KCNT1: variants seen among roughly 807,000 people sequenced by gnomAD.
The protein encoded by KCNT1 is potassium channel subfamily T member 1.
A neutral mutation model predicts 147.8 loss-of-function variants in KCNT1; 78 were observed. That is an observed-to-expected ratio of 0.53 (90% confidence interval 0.44 to 0.64). KCNT1 has a LOEUF of 0.64. KCNT1 is among the 30% of genes least tolerant of loss of function. The pLI is 0.00. For missense variants in KCNT1, 1,419 were observed against 1,750.3 expected, an observed-to-expected ratio of 0.81 and a Z score of 3.38; for synonymous variants, 867 against 748.8, an observed-to-expected ratio of 1.16 and a Z score of -2.58.
At chr9:135,710,702 C>T (rs1488931005) in intron 1 of KCNT1, among the ~76,000 whole-genome samples, 1 of 152,180 alleles carries the variant, frequency 6.6e-6, no homozygotes, top group African/African-American at 2.4e-5. Flanking sequence ...AAGACGAGGG[C>T]CCTCTCTGTT....
At chr9:135,786,954 C>G (rs1275649623) in intron 29 of KCNT1, among the ~76,000 whole-genome samples, 1 of 152,214 alleles carries the variant, frequency 6.6e-6, no homozygotes, top group Non-Finnish European at 1.5e-5. Context: ...AGGGCATCAG[C>G]TAGAGTTGGG....
At chr9:135,720,948 G>A (rs1428146647) in intron 2 of KCNT1, among the ~76,000 whole-genome samples, 1 of 152,246 alleles carries the variant, frequency 6.6e-6, no homozygotes, top group Non-Finnish European at 1.5e-5. Flanking sequence ...ACAGTCAGGA[G>A]GAAGGGTGTG....
intron 23 of KCNT1, among the ~76,000 whole-genome samples, chr9:135,779,114 G>A (rs1194486384): frequency 4.3e-5 from 4 of 94,004 alleles, no homozygotes; most frequent in South Asian, 4.3e-4. Flanking sequence ...CCACAGCCAC[G>A]ACCACAAGCC....
At chr9:135,791,440 C>A in intron 29 of KCNT1, 1 of 288,448 alleles carries the variant, frequency 3.5e-6, no homozygotes, top group Non-Finnish European at 6.7e-6. Context: ...ACAGACACGT[C>A]CCGGTGTCTG....
At chr9:135,788,334 G>T (rs1834229902) in intron 29 of KCNT1, among the ~76,000 whole-genome samples, 1 of 152,286 alleles carries the variant, frequency 6.6e-6, no homozygotes, top group South Asian at 2.1e-4. Flanking sequence ...TGCCGACAGA[G>T]TGTCCCCTGG....
chr9:135,735,877 C>T (rs566336119), intron 2 of KCNT1, among the ~76,000 whole-genome samples: 3 of 152,324 alleles, frequency 2.0e-5, no homozygotes, highest in East Asian at 1.9e-4. Flanking sequence ...CAATACCCCC[C>T]GGCTGTTACC....
rs775711545 is a variant in KCNT1 at position 135,771,087 on chromosome 9, C to T, written c.2000C>T (p.Ala667Val). The change falls in exon 18 of 31, where the codon GCC (alanine) becomes GTC (valine). Residue 667 changes from alanine (A) to valine (V), a missense_variant. Transcript: ENST00000371757. ...CGCCTGCCCGTGCACAGCATCATCG[C>T]CTCCATGGGTGAGCCGGGACAGGCG... The part of the protein sequence containing the change: ...PARLPVHSII[A>V]SMGTVAMDLQ... 2 of 1,610,410 alleles carry T rather than the reference C, an allele frequency of 1.2e-6. No homozygotes were observed. The highest frequency in any genetic ancestry group is 1.1e-5 in the South Asian group (1 of 90,580).
At position 135,772,866 on chromosome 9, in the gene KCNT1, A is replaced by G; in HGVS notation, c.2160A>G (p.Ser720=). Residue 720 remains serine (S), a synonymous_variant, in exon 19 of 31, where the codon TCA becomes TCG. Coordinates refer to ENST00000371757, the MANE Select transcript of KCNT1 (RefSeq NM_020822.3). ...CCGTCCTGGAACTGGCCGACAGCTC[A>G]GCCCTGCTGCCCTGCGACCTGCTGA... The part of the protein sequence containing the change: ...IAPVLELADS[S]ALLPCDLLSD... 6.4e-7 allele frequency: 1 copy of G among 1,554,096 alleles called. No homozygotes were observed. The highest frequency in any genetic ancestry group is 8.7e-7 in the Non-Finnish European group (1 of 1,149,744).
At position 135,742,934 on chromosome 9, in the gene KCNT1, C is replaced by T. The variant is rs1830640577; in HGVS notation, c.255-7164C>T. The stretch of plus-strand genomic sequence containing the variant: ...ATCCCCTGCAGCTGGGCCAGGGCCA[C>T]CGGCACCTCCCAGTACCCGCTGGTG... On this transcript the variant is annotated intron_variant, in intron 2 of 30. Transcript: ENST00000371757. 4 of 670,404 alleles carry T rather than the reference C, an allele frequency of 6.0e-6. No homozygotes were observed. The Admixed American group carries it at 8.8e-5, about 15-fold the overall frequency. 41.5% of individuals were successfully genotyped at this position (670,404 alleles called of 1,614,324 possible). A position where few individuals can be genotyped will look rare whatever the true frequency, so the allele number is the denominator to read the frequency against.
At chr9:135,747,393 T>C (rs893875002) in intron 2 of KCNT1, among the ~76,000 whole-genome samples, 1 of 151,722 alleles carries the variant, frequency 6.6e-6, no homozygotes, top group Non-Finnish European at 1.5e-5. Context: ...GGCCCGGTGG[T>C]CCCTGGGTAC....
intron 29 of KCNT1, among the ~76,000 whole-genome samples, chr9:135,787,034 A>G (rs1186866204): frequency 6.6e-6 from 1 of 152,104 alleles, no homozygotes; most frequent in African/African-American, 2.4e-5. Flanking sequence ...AGAGAACAAG[A>G]CTGGTGGGGA....
In KCNT1 at chr9:135,768,810, C is replaced by A. The variant is rs1372832498; in HGVS notation, c.1402-19C>A. 1 of 1,603,262 alleles carries A rather than the reference C, an allele frequency of 6.2e-7. No homozygotes were observed. ...CAGAGGCCAGCCCGTCTGCACTGAC[C>A]AACCACCCACCCCGCCAGGACCACC... On this transcript the variant is annotated intron_variant, in intron 14 of 30. Coordinates refer to ENST00000371757, the MANE Select transcript of KCNT1 (RefSeq NM_020822.3).
chr9:135,769,820 G>A (rs1832620115), intron 15 of KCNT1, 127 bp from the exon 16 acceptor site: 4 of 673,476 alleles, frequency 5.9e-6, no homozygotes, highest in African/African-American at 5.3e-5. Context: ...GCTGAAGCCG[G>A]ACAGCAGACA....
intron 24 of KCNT1, among the ~76,000 whole-genome samples, chr9:135,783,175 G>C (rs1053384896): frequency 6.6e-6 from 1 of 152,252 alleles, no homozygotes; most frequent in African/African-American, 2.4e-5. Flanking sequence ...TCACGTGACA[G>C]AAGGGCCTCT....
chr9:135,765,267 C>T, intron 12 of KCNT1, 72 bp downstream of exon 12: 1 of 1,443,820 alleles, frequency 6.9e-7, no homozygotes, highest in Non-Finnish European at 9.6e-7. Context: ...CTCCCCAGGA[C>T]TGCTTGGCAA....
chr9:135,723,520 C>T (rs1489654562), intron 2 of KCNT1, among the ~76,000 whole-genome samples: 1 of 152,188 alleles, frequency 6.6e-6, no homozygotes, highest in Non-Finnish European at 1.5e-5. Context: ...GAGCGTGTGG[C>T]TCCCGAAGGG....
intron 16 of KCNT1, 67 bp downstream of exon 16, chr9:135,770,122 C>T: frequency 6.9e-7 from 1 of 1,450,362 alleles, no homozygotes; most frequent in Non-Finnish European, 9.4e-7. Context: ...CAACGCAGGG[C>T]CTGCTTGGGG....
chr9:135,754,686 G>A (rs142185781), intron 5 of KCNT1, among the ~76,000 whole-genome samples: 7 of 152,340 alleles, frequency 4.6e-5, no homozygotes, highest in Admixed American at 1.3e-4. Flanking sequence ...TAGATAGCCC[G>A]ACCTCCCTGC....
rs1190489711 is a variant in KCNT1, at chr9:135,778,673, C to T, written c.2595-15C>T. ...GGCCGCATCCTCAGCCACGGGCCCT[C>T]GGTCCCGCCACCAGCCTGGACAGCC... is the stretch of plus-strand genomic sequence containing the variant. On this transcript the variant is annotated splice_polypyrimidine_tract_variant and intron_variant, in intron 22 of 30. Transcript: ENST00000371757. 9.9e-6 allele frequency: 16 copies of T among 1,613,156 alleles called. No individual in the cohort carries two copies. The Admixed American group carries it at 1.3e-4, about 13-fold the overall frequency.
Sources: gnomAD v4.1 joint callset for allele counts (sites outside exome capture counted in the v4.1 genomes callset) on GRCh38, gnomAD v4.1.1 for gene constraint, MANE v1.5 for transcripts, NCBI Gene and HGNC (gene_info 2026-07-23, HGNC 2026-07-21) for gene names.